Variants in UCHL5 observed in about 807,000 individuals in gnomAD.
The protein encoded by UCHL5 is ubiquitin C-terminal hydrolase L5.
Under a neutral mutation model 53.8 loss-of-function variants are expected in UCHL5, and 34 were observed. The ratio of observed to expected loss-of-function variants is 0.63; its 90% CI spans 0.48 to 0.84. UCHL5 has a LOEUF of 0.84. UCHL5 is among the 40% of genes least tolerant of loss of function. The probability of loss-of-function intolerance (pLI) is 0.00; values close to 1 mark genes in which losing one functional copy is unlikely to be tolerated. For synonymous variants in UCHL5, 111 were observed against 126.3 expected, an observed-to-expected ratio of 0.88 and a Z score of 0.81; for missense variants, 290 against 385.6, an observed-to-expected ratio of 0.75 and a Z score of 2.08.
At position 193,020,405 on chromosome 1, in the gene UCHL5, T is replaced by C. The variant is rs1193472206; in HGVS notation, c.942+692A>G. 5 of 1,546,582 alleles carry C rather than the reference T, an allele frequency of 3.2e-6. No individual in the cohort carries two copies. The African/African-American group carries it at 4.1e-5, about 13-fold the overall frequency. ...AACTGTGGTACACAGACCAGTTGCA[T>C]TAGAATCACTTGGGGAACTTATTAA... On this transcript the variant is annotated intron_variant, in intron 10 of 10. Transcript: ENST00000367454.
intron 2 of UCHL5, 34 bp from the exon 3 acceptor site, chr1:193,049,885 C>A (rs765855079): frequency 1.3e-6 from 2 of 1,538,130 alleles, no homozygotes; most frequent in East Asian, 4.6e-5. Flanking sequence ...TGACATCAAA[C>A]CCTGCTTCTT....
rs1669164207 is a variant in UCHL5 at position 193,051,879 on chromosome 1, A to G, written c.77-62T>C. On this transcript the variant is annotated intron_variant, in intron 1 of 10. Coordinates refer to ENST00000367454, the MANE Select transcript of UCHL5 (RefSeq NM_001199261.3). The stretch of plus-strand genomic sequence containing the variant: ...AATTCATTTTTTCCTTCAACATGAA[A>G]TAAAATATTAACTAAAGGAAATGCA... The G allele has an allele frequency of 4.1e-6, 5 of 1,227,886 alleles. No homozygotes were observed. In the South Asian group the frequency reaches 4.3e-5, roughly 11 times the overall value. The allele number at this position is 1,227,886 out of a possible 1,614,324, so 76.1% of individuals were successfully genotyped here.
intron 9 of UCHL5, among the ~76,000 whole-genome samples, chr1:193,021,858 CT>C (rs1271711954): frequency 1.3e-5 from 2 of 152,062 alleles, no homozygotes; most frequent in South Asian, 2.1e-4. Context: ...TAAATTAAAG[CT>C]TAACATGTTT....
chr1:193,050,229 CTA>C (rs936367026), intron 2 of UCHL5, among the ~76,000 whole-genome samples: 1 of 152,042 alleles, frequency 6.6e-6, no homozygotes, highest in Non-Finnish European at 1.5e-5. Context: ...CATATATTAT[CTA>C]TATTAAATAT....
Position 193,015,123 on chromosome 1 carries a change from T to C in UCHL5, c.*1228A>G, listed in dbSNP as rs1654705276. ...ATATTTCATTCGTTTTTCTATCAATTTCCTATCAGGTTTTTCTCCATTAGT... is the reference window on the plus strand; with the variant it reads ...ATATTTCATTCGTTTTTCTATCAATCTCCTATCAGGTTTTTCTCCATTAGT... On this transcript the variant is annotated 3_prime_UTR_variant, in exon 11 of 11. Coordinates refer to ENST00000367454, the MANE Select transcript of UCHL5 (RefSeq NM_001199261.3). 1 of 152,068 alleles carries C rather than the reference T, an allele frequency of 6.6e-6. No homozygotes were observed. Among genetic ancestry groups the C allele is most frequent in the Non-Finnish European group, 1.5e-5 (1 of 67,960 alleles). The allele number at this position is 152,068 out of a possible 1,614,324, so 9.4% of individuals were successfully genotyped here.
intron 7 of UCHL5, among the ~76,000 whole-genome samples, chr1:193,026,916 T>C (rs777635895): frequency 7.2e-5 from 11 of 151,966 alleles, no homozygotes; most frequent in Non-Finnish European, 1.3e-4. Context: ...CATCTATGAA[T>C]AAAAAAATGA....
At chr1:193,021,794 A>G (rs1657118929) in intron 9 of UCHL5, among the ~76,000 whole-genome samples, 2 of 152,208 alleles carry the variant, frequency 1.3e-5, no homozygotes, top group Admixed American at 6.5e-5. Flanking sequence ...AACTTCATAT[A>G]AATTTGAGCT....
In UCHL5 at chr1:193,029,674, T is replaced by A; in HGVS notation, c.247-17A>T. 6.4e-7 allele frequency: 1 copy of A among 1,566,982 alleles called. No individual in the cohort carries two copies. Among genetic ancestry groups the A allele is most frequent in the Non-Finnish European group, 8.6e-7 (1 of 1,159,856 alleles). ...ATTAATTACCTATAAAATATAAAAG[T>A]GAAGATATCAATGTGTTTAAAAAAA... On this transcript the variant is annotated splice_polypyrimidine_tract_variant and intron_variant, in intron 3 of 10. Coordinates refer to ENST00000367454, the MANE Select transcript of UCHL5 (RefSeq NM_001199261.3).
At position 193,059,127 on chromosome 1, in the gene UCHL5, G is replaced by T; in HGVS notation, c.76+58C>A. Reference sequence around the variant, plus strand: ...CGGTGGCCGCAGGGAACCACTCCATGCCCAGCTTGGGCCTCCTCCCGTGAC... The same window carrying T: ...CGGTGGCCGCAGGGAACCACTCCATTCCCAGCTTGGGCCTCCTCCCGTGAC... On this transcript the variant is annotated intron_variant, in intron 1 of 10. Transcript: ENST00000367454. The surrounding 1 kb of genome is among the most constrained non-coding windows in gnomAD (Gnocchi z 4.9). 6.8e-7 allele frequency: 1 copy of T among 1,472,456 alleles called. No individual in the cohort carries two copies. Among genetic ancestry groups the T allele is most frequent in the East Asian group, 2.5e-5 (1 of 40,284 alleles). 91.2% of individuals were successfully genotyped at this position (1,472,456 alleles called of 1,614,324 possible). A position where few individuals can be genotyped will look rare whatever the true frequency, so the allele number is the denominator to read the frequency against.
At position 193,029,286 on chromosome 1, in the gene UCHL5, G is replaced by T. The variant is rs35505005; in HGVS notation, c.458C>A (p.Thr153Lys). 6.2e-7 allele frequency: 1 copy of T among 1,613,548 alleles called. No homozygotes were observed. Among genetic ancestry groups the T allele is most frequent in the Non-Finnish European group, 8.5e-7 (1 of 1,179,752 alleles). Reference sequence around the variant, plus strand: ...ATCTTCTTCTTTTGCTGATGTCTTCGTATCAAATTCAAACATTTGCTGTCT... The same window carrying T: ...ATCTTCTTCTTTTGCTGATGTCTTCTTATCAAATTCAAACATTTGCTGTCT... ...FARQQMFEFDTKTSAKEEDAF... is the reference protein window; with the variant it reads ...FARQQMFEFDKKTSAKEEDAF... The change falls in exon 6 of 11, where the codon ACG becomes AAG. Residue 153 changes from threonine to lysine, a missense_variant. Physicochemically the swap from Thr to Lys is moderately conservative, Grantham distance 78 (BLOSUM62 -1). Transcript: ENST00000367454.
chr1:193,043,671 A>G (rs1571816148), intron 3 of UCHL5, among the ~76,000 whole-genome samples: 1 of 152,022 alleles, frequency 6.6e-6, no homozygotes. Context: ...TATCAGCTCA[A>G]CCTCCTGTGG....
intron 7 of UCHL5, among the ~76,000 whole-genome samples, chr1:193,027,006 T>C (rs1441043237): frequency 1.3e-5 from 2 of 152,182 alleles, no homozygotes; most frequent in Non-Finnish European, 2.9e-5. Flanking sequence ...AGGCTACATA[T>C]TGTAAAATTC....
rs150021652 is a variant in UCHL5, at chr1:193,045,165, C to T, written c.246+4581G>A. Among the ~76,000 whole-genome samples the T allele has an allele frequency of 9.9e-5, 15 of 152,126 alleles. No homozygotes were observed. In the East Asian group the frequency reaches 1.9e-3, roughly 20 times the overall value. On this transcript the variant is annotated intron_variant, in intron 3 of 10. Coordinates refer to ENST00000367454, the MANE Select transcript of UCHL5 (RefSeq NM_001199261.3). ...TAATAGTAATATTCTTAGAGATGAA[C>T]GGTTCGGTCTGCATTTATTGGATAC...
chr1:193,052,413 G>A lies in UCHL5; in HGVS notation c.77-596C>T, dbSNP rs867731815. On this transcript the variant is annotated intron_variant, in intron 1 of 10. Transcript: ENST00000367454. Reference sequence around the variant, plus strand: ...TGTCATTATTGTCACTGGTGTGGACGGTAGGGGAGAGGCTACTAGCAACTA... The same window carrying A: ...TGTCATTATTGTCACTGGTGTGGACAGTAGGGGAGAGGCTACTAGCAACTA... Among the ~76,000 whole-genome samples the A allele has an allele frequency of 3.9e-5, 6 of 152,204 alleles. No individual in the cohort carries two copies. The South Asian group carries it at 6.2e-4, about 16-fold the overall frequency.
chr1:193,038,004 C>G (rs1410059428), intron 3 of UCHL5, among the ~76,000 whole-genome samples: 1 of 151,610 alleles, frequency 6.6e-6, no homozygotes, highest in African/African-American at 2.4e-5. Context: ...AAAAAACTAC[C>G]TAATTATTTC....
chr1:193,028,598 A>G (rs1183906235), intron 6 of UCHL5, among the ~76,000 whole-genome samples: 1 of 152,208 alleles, frequency 6.6e-6, no homozygotes, highest in Non-Finnish European at 1.5e-5. Flanking sequence ...TGAACCTATT[A>G]TTTCAGTAAT....
At position 193,023,751 on chromosome 1, in the gene UCHL5, C is replaced by T. The variant is rs958025968; in HGVS notation, c.732+93G>A. ...AGTGTGTATTCGCTTAGCCACCATT[C>T]AGACCACTTGATTATATATATATTT... On this transcript the variant is annotated intron_variant, in intron 8 of 10. Transcript: ENST00000367454. The T allele has an allele frequency of 1.2e-4, 120 of 991,974 alleles. No individual in the cohort carries two copies. The East Asian group carries it at 3.2e-3, about 26-fold the overall frequency. 61.4% of individuals were successfully genotyped at this position (991,974 alleles called of 1,614,324 possible). A position where few individuals can be genotyped will look rare whatever the true frequency, so the allele number is the denominator to read the frequency against.
intron 10 of UCHL5, among the ~76,000 whole-genome samples, 187 bp from the exon 11 acceptor site, chr1:193,016,582 A>T (rs951434215): frequency 2.0e-5 from 3 of 151,850 alleles, no homozygotes; most frequent in African/African-American, 7.2e-5. Context: ...TTACATAGTT[A>T]TTCTTTGCCC....
intron 2 of UCHL5, 30 bp from the exon 3 acceptor site, chr1:193,049,881 C>T (rs760253468): frequency 1.9e-6 from 3 of 1,553,118 alleles, no homozygotes; most frequent in African/African-American, 2.7e-5. Flanking sequence ...TTAATGACAT[C>T]AAACCCTGCT....
Sources: allele counts gnomAD v4.1 joint callset (sites outside exome capture counted in the v4.1 genomes callset), GRCh38; gene constraint gnomAD v4.1.1; non-coding constraint Gnocchi (gnomAD v3.1); transcripts MANE v1.5; gene names NCBI Gene and HGNC (gene_info 2026-07-23, HGNC 2026-07-21).